The following EPB41L2 variants were observed in gnomAD, a reference collection of about 807,000 sequenced individuals.
EPB41L2 encodes the protein erythrocyte membrane protein band 4.1 like 2, also known as band 4.1-like protein 2.
A neutral mutation model predicts 113.0 loss-of-function variants in EPB41L2; 43 were observed. The ratio of observed to expected loss-of-function variants is 0.38; its 90% CI spans 0.30 to 0.49. The LOEUF is 0.49. Ranked by LOEUF, EPB41L2 falls within the 20% of genes least tolerant of loss-of-function variation. EPB41L2 has a pLI of 0.95. For synonymous variants in EPB41L2, 442 were observed against 436.7 expected, an observed-to-expected ratio of 1.01 and a Z score of -0.15; for missense variants, 1,147 against 1,223.4, an observed-to-expected ratio of 0.94 and a Z score of 0.93.
At chr6:131,019,124 C>G (rs1360508721) in intron 1 of EPB41L2, among the ~76,000 whole-genome samples, 1 of 152,202 alleles carries the variant, frequency 6.6e-6, no homozygotes, top group Non-Finnish European at 1.5e-5. Flanking sequence ...TTTACAATAT[C>G]AAGCATTCCC....
At chr6:130,880,391 C>A in intron 12 of EPB41L2, 185 bp from the exon 13 acceptor site, 1 of 616,594 alleles carries the variant, frequency 1.6e-6, no homozygotes, top group Admixed American at 2.8e-5. Context: ...TGGACCCTCC[C>A]CACACAATAC....
chr6:130,936,025 CA>C (rs991263035), intron 3 of EPB41L2, among the ~76,000 whole-genome samples: 2 of 152,090 alleles, frequency 1.3e-5, no homozygotes, highest in Non-Finnish European at 2.9e-5. Context: ...AAATTTTATA[CA>C]AAAAAAGTTT....
In EPB41L2 at chr6:131,001,771, C is replaced by T. The variant is rs139963132; in HGVS notation, c.-14-45272G>A. 3.9e-5 allele frequency among the ~76,000 whole-genome samples: 6 copies of T among 152,234 alleles called. No individual in the cohort carries two copies. The East Asian group carries it at 9.7e-4, about 25-fold the overall frequency. On this transcript the variant is annotated intron_variant, in intron 1 of 19. Transcript: ENST00000337057. The stretch of plus-strand genomic sequence containing the variant: ...CCTACCTATAAGTAGATCCTAGCAA[C>T]GAAAGTTACTTCCTTTTTTCCCTGC...
intron 16 of EPB41L2, among the ~76,000 whole-genome samples, chr6:130,866,994 A>G (rs534967151): frequency 2.6e-5 from 4 of 151,552 alleles, no homozygotes; most frequent in East Asian, 1.9e-4. Context: ...GTGTGTGTGT[A>G]TGTGTGTTAT....
intron 12 of EPB41L2, among the ~76,000 whole-genome samples, chr6:130,883,953 T>C (rs1399363482): frequency 6.6e-6 from 1 of 152,202 alleles, no homozygotes; most frequent in Non-Finnish European, 1.5e-5. Context: ...GCTATCAGTG[T>C]AGGAATTCCT....
chr6:130,951,372 T>G (rs1815013503), intron 3 of EPB41L2, among the ~76,000 whole-genome samples: 1 of 135,528 alleles, frequency 7.4e-6, no homozygotes, highest in South Asian at 2.5e-4. Context: ...TCGCCCAGGC[T>G]GAAGTACAGT....
intron 3 of EPB41L2, among the ~76,000 whole-genome samples, chr6:130,934,619 CA>C: frequency 1.3e-5 from 2 of 152,036 alleles, no homozygotes; most frequent in East Asian, 3.9e-4. Context: ...ACTACAGGTG[CA>C]TGCCACCATG....
At chr6:130,982,393 G>A (rs1779574808) in intron 1 of EPB41L2, among the ~76,000 whole-genome samples, 1 of 152,110 alleles carries the variant, frequency 6.6e-6, no homozygotes, top group Non-Finnish European at 1.5e-5. Context: ...TATAACAGTT[G>A]CAGTTAACCA....
At position 130,987,715 on chromosome 6, in the gene EPB41L2, G is replaced by C. The variant is rs560701468; in HGVS notation, c.-14-31216C>G. On this transcript the variant is annotated intron_variant, in intron 1 of 19. Transcript: ENST00000337057. ...CTCATAAATGAATGAATGAATGAAT[G>C]AATGAATGAATGAATGAATGTTGTT... Among the ~76,000 whole-genome samples, 16 of 151,954 alleles carry C rather than the reference G, an allele frequency of 1.1e-4. 1 individual carries two copies. Among genetic ancestry groups the C allele is most frequent in the African/African-American group, 3.9e-4 (16 of 41,438 alleles).
intron 1 of EPB41L2, among the ~76,000 whole-genome samples, chr6:131,032,859 A>T (rs1234730391): frequency 2.6e-5 from 4 of 152,196 alleles, no homozygotes; most frequent in Non-Finnish European, 4.4e-5. Context: ...ACAAAAAAAA[A>T]TTTAAGGCTG....
In EPB41L2 at chr6:130,869,563, C is replaced by T; in HGVS notation, c.2607G>A (p.Glu869=). Residue 869 remains glutamate, a splice_region_variant and synonymous_variant, in exon 15 of 20, where the codon GAG becomes GAA. Coordinates refer to ENST00000337057, the MANE Select transcript of EPB41L2 (RefSeq NM_001431.4). ...GCTCCCACCTGGGACTCCCATTTACCTCTGAACAACAAATAATTTGTGGCA... is the reference window on the plus strand; with the variant it reads ...GCTCCCACCTGGGACTCCCATTTACTTCTGAACAACAAATAATTTGTGGCA... ...DVLPQIICCS[E]PPVVKTEMVT... 1 of 1,613,412 alleles carries T rather than the reference C, an allele frequency of 6.2e-7. No homozygotes were observed. Among genetic ancestry groups the T allele is most frequent in the Non-Finnish European group, 8.5e-7 (1 of 1,179,608 alleles).
intron 19 of EPB41L2, among the ~76,000 whole-genome samples, chr6:130,856,556 A>G (rs1172955687): frequency 6.6e-6 from 1 of 152,264 alleles, no homozygotes; most frequent in Non-Finnish European, 1.5e-5. Flanking sequence ...CAAAAATTAA[A>G]AAGTCAGAGA....
chr6:131,027,798 T>A (rs1371683793), intron 1 of EPB41L2, among the ~76,000 whole-genome samples: 1 of 152,084 alleles, frequency 6.6e-6, no homozygotes, highest in African/African-American at 2.4e-5. Flanking sequence ...CCACAAAAAT[T>A]TAAAGTTTTT....
intron 1 of EPB41L2, among the ~76,000 whole-genome samples, chr6:130,996,352 G>T (rs1382268200): frequency 6.6e-6 from 1 of 151,456 alleles, no homozygotes; most frequent in Admixed American, 6.6e-5. Flanking sequence ...AGTCAGGCCA[G>T]CACAGATCAG....
At chr6:130,866,105 T>C (rs1463303435) in intron 16 of EPB41L2, among the ~76,000 whole-genome samples, 1 of 152,246 alleles carries the variant, frequency 6.6e-6, no homozygotes, top group African/African-American at 2.4e-5. Context: ...TTTGGTTATC[T>C]GCTTACCTCT....
intron 1 of EPB41L2, among the ~76,000 whole-genome samples, chr6:131,049,892 C>T (rs1010639956): frequency 1.3e-5 from 2 of 152,170 alleles, no homozygotes; most frequent in South Asian, 2.1e-4. Flanking sequence ...AAAACTTCAA[C>T]TGGCAAAAGT....
intron 12 of EPB41L2, 123 bp downstream of exon 12, chr6:130,884,973 A>G: frequency 9.0e-7 from 1 of 1,105,606 alleles, no homozygotes; most frequent in Non-Finnish European, 1.3e-6. Context: ...GAAAACATAA[A>G]TGACCAGCAG....
intron 1 of EPB41L2, among the ~76,000 whole-genome samples, chr6:130,975,501 C>T (rs1348374586): frequency 2.6e-5 from 4 of 152,148 alleles, no homozygotes; most frequent in African/African-American, 7.2e-5. Context: ...TGATGAGTCA[C>T]TCATGGCTCA....
chr6:130,957,619 A>T (rs1268119845), intron 1 of EPB41L2, among the ~76,000 whole-genome samples: 1 of 139,988 alleles, frequency 7.1e-6, no homozygotes, highest in Non-Finnish European at 1.5e-5. Context: ...ACAGAGTGAG[A>T]CCCCATCTCT....
Sources: allele counts gnomAD v4.1 joint callset (sites outside exome capture counted in the v4.1 genomes callset), GRCh38; gene constraint gnomAD v4.1.1; transcripts MANE v1.5; gene names NCBI Gene and HGNC (gene_info 2026-07-23, HGNC 2026-07-21).